The following GPRC5A variants were observed in gnomAD, a reference collection of about 807,000 sequenced individuals.
GPRC5A encodes retinoic acid-induced protein 3.
GPRC5A carries 19 observed loss-of-function variants against 22.5 expected under a neutral mutation model. The ratio of observed to expected loss-of-function variants is 0.85; its 90% CI spans 0.59 to 1.24. The LOEUF (loss-of-function observed/expected upper bound fraction) is 1.24. Ranked by LOEUF, GPRC5A falls within the 50% of genes most tolerant of loss-of-function variation. The probability of loss-of-function intolerance (pLI) is 0.00; values close to 1 mark genes in which losing one functional copy is unlikely to be tolerated. For synonymous variants in GPRC5A, 192 were observed against 184.5 expected (o/e 1.04, Z -0.33); for missense variants, 471 against 451.1 (o/e 1.04, Z -0.40).
rs568729088 is a variant in GPRC5A, at chr12:12,916,442, C to T, written c.*3903C>T. The T allele has an allele frequency of 1.3e-5, 2 of 152,360 alleles. No individual in the cohort carries two copies. Among genetic ancestry groups the T allele is most frequent in the Admixed American group, 1.3e-4 (2 of 15,300 alleles). 9.4% of individuals were successfully genotyped at this position (152,360 alleles called of 1,614,324 possible). The stretch of plus-strand genomic sequence containing the variant: ...ACACTTCAGGCATCAACCCTCATGG[C>T]CTCTCAGCCTTGCAAAGGCAGCCAC... On this transcript the variant is annotated 3_prime_UTR_variant, in exon 4 of 4. Transcript: ENST00000014914.
At position 12,914,590 on chromosome 12, in the gene GPRC5A, T is replaced by TC. The variant is rs1565466573; in HGVS notation, c.*2051_*2052insC. 11 of 65,264 alleles carry TC rather than the reference T, an allele frequency of 1.7e-4. No homozygotes were observed. The highest frequency in any genetic ancestry group is 7.7e-4 in the Admixed American group (4 of 5,206). The allele number at this position is 65,264 out of a possible 1,614,324, so 4.0% of individuals were successfully genotyped here. ...TTTCTTTCTTTCTTTCTTTCTTTCTTTCTTTCTCTCTCTCTCTCTCTCTCT... is the reference window on the plus strand; with the variant it reads ...TTTCTTTCTTTCTTTCTTTCTTTCTTCTCTTTCTCTCTCTCTCTCTCTCTCT... On this transcript the variant is annotated 3_prime_UTR_variant, in exon 4 of 4. Coordinates refer to ENST00000014914, the MANE Select transcript of GPRC5A (RefSeq NM_003979.4).
Position 12,908,888 on chromosome 12 carries a change from C to CTA in GPRC5A, c.640_641dup (p.Leu215ThrfsTer76). 1 of 1,614,194 alleles carries CTA rather than the reference C, an allele frequency of 6.2e-7. No individual in the cohort carries two copies. The highest frequency in any genetic ancestry group is 1.7e-5 in the Admixed American group (1 of 60,022). On this transcript the variant is annotated frameshift_variant, in exon 2 of 4. Coordinates refer to ENST00000014914, the MANE Select transcript of GPRC5A (RefSeq NM_003979.4). LOFTEE classifies it high-confidence loss of function. ...GCTGGAAGAGACATGGGGCCCACAT[C>CTA]TACCTCACGATGCTCCTCTCCATTG...
chr12:12,906,735 G>A (rs751121859), intron 1 of GPRC5A, among the ~76,000 whole-genome samples: 1 of 151,850 alleles, frequency 6.6e-6, no homozygotes, highest in African/African-American at 2.4e-5. Flanking sequence ...ATAACTTTTC[G>A]GAATTAGTGG....
At chr12:12,901,634 C>A (rs1277964633) in intron 1 of GPRC5A, among the ~76,000 whole-genome samples, 1 of 152,058 alleles carries the variant, frequency 6.6e-6, no homozygotes, top group African/African-American at 2.4e-5. Context: ...TCCGCCTGCA[C>A]AGAGCCTTTG....
At chr12:12,905,729 T>A (rs1863935055) in intron 1 of GPRC5A, among the ~76,000 whole-genome samples, 1 of 152,182 alleles carries the variant, frequency 6.6e-6, no homozygotes, top group Non-Finnish European at 1.5e-5. Context: ...GGACTTAGAT[T>A]TCCTAGGGGT....
intron 1 of GPRC5A, among the ~76,000 whole-genome samples, chr12:12,906,939 C>T (rs1198019170): frequency 6.6e-6 from 1 of 152,040 alleles, no homozygotes; most frequent in African/African-American, 2.4e-5. Flanking sequence ...TGCCTGTAAT[C>T]TCAGCTACTC....
Position 12,908,279 on chromosome 12 carries a change from C to T in GPRC5A, c.30C>T (p.Arg10=), listed in dbSNP as rs778976225. 51 of 1,601,394 alleles carry T rather than the reference C, an allele frequency of 3.2e-5. No homozygotes were observed. The highest frequency in any genetic ancestry group is 4.3e-5 in the Non-Finnish European group (50 of 1,174,198). The change falls in exon 2 of 4, where the codon CGC becomes CGT. Residue 10 remains arginine (R), a synonymous_variant. Transcript: ENST00000014914. MATTVPDGC[R]NGLKSKYYRL... is the part of the protein sequence containing the mutation. ...CTACAACAGTCCCTGATGGTTGCCG[C>T]AATGGCCTGAAATCCAAGTACTACA...
chr12:12,898,473 G>C (rs550274671), intron 1 of GPRC5A, among the ~76,000 whole-genome samples: 11 of 152,054 alleles, frequency 7.2e-5, no homozygotes, highest in Non-Finnish European at 1.3e-4. Flanking sequence ...CGAAGCTGCC[G>C]TGAGCTGTGA....
In GPRC5A at chr12:12,908,693, C is replaced by A. The variant is rs150092975; in HGVS notation, c.444C>A (p.Ile148=). The change falls in exon 2 of 4, where the codon ATC becomes ATA. Residue 148 remains isoleucine, a synonymous_variant. Coordinates refer to ENST00000014914, the MANE Select transcript of GPRC5A (RefSeq NM_003979.4). ...GCTTCAGCCTAGTCCAGGATGTTAT[C>A]GCTATTGAATATATTGTCCTGACCA... ...AVGFSLVQDV[I]AIEYIVLTMN... 1.2e-6 allele frequency: 2 copies of A among 1,613,768 alleles called. No individual in the cohort carries two copies. Among genetic ancestry groups the A allele is most frequent in the African/African-American group, 1.3e-5 (1 of 74,920 alleles).
At position 12,894,916 on chromosome 12, in the gene GPRC5A, C is replaced by T. The variant is rs543934526; in HGVS notation, c.-8+3252C>T. The stretch of plus-strand genomic sequence containing the variant: ...GCCTCAGCCTCTTGAGTAGCTGGGA[C>T]TACAGGTGCCCGCCACCATGCCCGG... On this transcript the variant is annotated intron_variant, in intron 1 of 3. Transcript: ENST00000014914. Among the ~76,000 whole-genome samples the T allele has an allele frequency of 4.6e-5, 7 of 151,302 alleles. No homozygotes were observed. In the East Asian group the frequency reaches 1.4e-3, roughly 30 times the overall value.
Position 12,908,641 on chromosome 12 carries a change from TG to T in GPRC5A, c.393del (p.Leu132TrpfsTer2), listed in dbSNP as rs1204694374. On this transcript the variant is annotated frameshift_variant, in exon 2 of 4. Coordinates refer to ENST00000014914, the MANE Select transcript of GPRC5A (RefSeq NM_003979.4). LOFTEE classifies it high-confidence loss of function. Reference sequence around the variant, plus strand: ...GTCCGGGGGAGGAAGCCCCTTTCCCTGTTGGTGATTCTGGGTCTGGCCGTGG... The same window carrying T: ...GTCCGGGGGAGGAAGCCCCTTTCCCTTTGGTGATTCTGGGTCTGGCCGTGG... ...KLVRGRKPLSLLVILGLAVGF... is the reference protein window; with the variant it reads ...KLVRGRKPLSXLVILGLAVGF... 1 of 1,613,948 alleles carries T rather than the reference TG, an allele frequency of 6.2e-7. No individual in the cohort carries two copies.
At chr12:12,900,105 C>G (rs1359115988) in intron 1 of GPRC5A, among the ~76,000 whole-genome samples, 1 of 152,204 alleles carries the variant, frequency 6.6e-6, no homozygotes, top group Admixed American at 6.5e-5. Flanking sequence ...TCAGTCAAGG[C>G]CATGTCTAGG....
At chr12:12,897,535 T>G (rs1247620351) in intron 1 of GPRC5A, among the ~76,000 whole-genome samples, 1 of 151,346 alleles carries the variant, frequency 6.6e-6, no homozygotes, top group African/African-American at 2.4e-5. Flanking sequence ...GTGGGAGGAC[T>G]AATTGGAGAA....
intron 1 of GPRC5A, among the ~76,000 whole-genome samples, chr12:12,903,138 T>G (rs1462785021): frequency 6.6e-6 from 1 of 152,144 alleles, no homozygotes; most frequent in Non-Finnish European, 1.5e-5. Flanking sequence ...GTCTGAGACT[T>G]GCTTAAAAAT....
At position 12,908,266 on chromosome 12, in the gene GPRC5A, C is replaced by T. The variant is rs777397448; in HGVS notation, c.17C>T (p.Pro6Leu). The T allele has an allele frequency of 1.9e-6, 3 of 1,592,912 alleles. No homozygotes were observed. In the Admixed American group the frequency reaches 5.2e-5, roughly 27 times the overall value. Residue 6 changes from proline to leucine, a missense_variant, in exon 2 of 4, where the codon CCT (proline) becomes CTT (leucine). Coordinates refer to ENST00000014914, the MANE Select transcript of GPRC5A (RefSeq NM_003979.4). MATTV[P>L]DGCRNGLKSK... Reference sequence around the variant, plus strand: ...AGGTCCAGAATGGCTACAACAGTCCCTGATGGTTGCCGCAATGGCCTGAAA... The same window carrying T: ...AGGTCCAGAATGGCTACAACAGTCCTTGATGGTTGCCGCAATGGCCTGAAA...
At chr12:12,909,517 T>C (rs1863981540) in intron 2 of GPRC5A, 1 of 200,712 alleles carries the variant, frequency 5.0e-6, no homozygotes, top group African/African-American at 2.3e-5. Flanking sequence ...GGAAAAAGGA[T>C]AACGAGACAA....
intron 1 of GPRC5A, among the ~76,000 whole-genome samples, chr12:12,901,717 G>A (rs929362842): frequency 6.8e-6 from 1 of 147,816 alleles, no homozygotes; most frequent in Non-Finnish European, 1.5e-5. Context: ...AAAGCTGAGA[G>A]TGTCTGAGAA....
intron 1 of GPRC5A, among the ~76,000 whole-genome samples, chr12:12,905,877 G>T (rs1257285954): frequency 1.3e-5 from 2 of 152,218 alleles, no homozygotes; most frequent in African/African-American, 4.8e-5. Flanking sequence ...GAATGAGTAA[G>T]TAGATTTCTC....
Position 12,908,489 on chromosome 12 carries a change from C to T in GPRC5A, c.240C>T (p.Gly80=). 6.2e-7 allele frequency: 1 copy of T among 1,614,074 alleles called. No homozygotes were observed. The highest frequency in any genetic ancestry group is 8.5e-7 in the Non-Finnish European group (1 of 1,179,984). The part of the protein sequence containing the change: ...LFLLGVLGIF[G]LTFAFIIGLD... ...TCCTGGGTGTGTTGGGCATCTTTGG[C>T]CTCACCTTCGCCTTCATCATCGGAC... The change falls in exon 2 of 4, where the codon GGC becomes GGT. Residue 80 remains glycine, a synonymous_variant. Coordinates refer to ENST00000014914, the MANE Select transcript of GPRC5A (RefSeq NM_003979.4).
Sources: gnomAD v4.1 joint callset for allele counts (sites outside exome capture counted in the v4.1 genomes callset) on GRCh38, gnomAD v4.1.1 for gene constraint, MANE v1.5 for transcripts, NCBI Gene and HGNC (gene_info 2026-07-23, HGNC 2026-07-21) for gene names.